ZKSCAN1: variants seen among roughly 807,000 people sequenced by gnomAD.
ZKSCAN1 encodes the protein zinc finger with KRAB and SCAN domains 1.
ZKSCAN1 carries 14 observed loss-of-function variants against 51.6 expected under a neutral mutation model. That is an observed-to-expected ratio of 0.27 (90% CI 0.18 to 0.42). ZKSCAN1 has a LOEUF of 0.42. ZKSCAN1 is among the 10% of genes least tolerant of loss of function. ZKSCAN1 has a pLI of 1.00. For synonymous variants in ZKSCAN1, 263 were observed against 261.5 expected, an observed-to-expected ratio of 1.01 and a Z score of -0.06; for missense variants, 531 against 710.0, an observed-to-expected ratio of 0.75 and a Z score of 2.86.
At chr7:100,018,704 T>C (rs1790476872) in intron 1 of ZKSCAN1, among the ~76,000 whole-genome samples, 1 of 152,180 alleles carries the variant, frequency 6.6e-6, no homozygotes, top group Non-Finnish European at 1.5e-5. Flanking sequence ...AGAAATTACC[T>C]AGCAAATGTT....
rs368111226 is a variant in ZKSCAN1, at chr7:100,020,019, A to G, written c.-88-3400A>G. Reference sequence around the variant, plus strand: ...CGCTCAGCCTCTCAGTTCTTTATACAGTGAGATGATAAGTGTAGCTACCTG... The same window carrying G: ...CGCTCAGCCTCTCAGTTCTTTATACGGTGAGATGATAAGTGTAGCTACCTG... On this transcript the variant is annotated intron_variant, in intron 1 of 5. Coordinates refer to ENST00000324306, the MANE Select transcript of ZKSCAN1 (RefSeq NM_003439.4). 3.9e-5 allele frequency among the ~76,000 whole-genome samples: 6 copies of G among 152,302 alleles called. No individual in the cohort carries two copies. In the East Asian group the frequency reaches 1.2e-3, roughly 29 times the overall value.
chr7:100,019,209 AT>A (rs1190826842), intron 1 of ZKSCAN1: 3 of 151,028 alleles, frequency 2.0e-5, no homozygotes, highest in Non-Finnish European at 3.0e-5. Flanking sequence ...TTCCTGAGTG[AT>A]TTTTTTTTCT....
intron 4 of ZKSCAN1, 30 bp from the exon 5 acceptor site, chr7:100,030,219 G>A (rs980628236): frequency 3.5e-5 from 56 of 1,607,342 alleles, no homozygotes; most frequent in Non-Finnish European, 4.7e-5. Context: ...AGTTTGGGGG[G>A]AAATGACTGT....
chr7:100,029,775 T>C, intron 3 of ZKSCAN1, 86 bp from the exon 4 acceptor site: 1 of 1,257,718 alleles, frequency 8.0e-7, no homozygotes, highest in Non-Finnish European at 1.1e-6. Flanking sequence ...AACATGCTGG[T>C]GCAGGAAGGA....
rs765686439 is a variant in ZKSCAN1 at position 100,030,263 on chromosome 7, C to A, written c.687C>A (p.Ile229=). The stretch of plus-strand genomic sequence containing the variant: ...TGTTATTTTAGGCAATGGTGAAGAT[C>A]GAGGACATGGCTGTGTCCCTCATTC... ...FTADSQAMVK[I]EDMAVSLILE... is the part of the protein sequence containing the mutation. The change falls in exon 5 of 6, where the codon ATC becomes ATA. Residue 229 remains isoleucine (I), a synonymous_variant. Transcript: ENST00000324306. The A allele has an allele frequency of 1.9e-6, 3 of 1,613,950 alleles. No individual in the cohort carries two copies. In the South Asian group the frequency reaches 3.3e-5, roughly 18 times the overall value.
chr7:100,042,427 AT>A (rs921564721), downstream of ZKSCAN1, among the ~76,000 whole-genome samples: 1 of 151,368 alleles, frequency 6.6e-6, no homozygotes, highest in Non-Finnish European at 1.5e-5. Flanking sequence ...ACAATGTGGG[AT>A]TTTTTTTCAT....
At chr7:100,026,447 A>T (rs79152233) in intron 3 of ZKSCAN1, among the ~76,000 whole-genome samples, 4,154 of 152,056 alleles carry the variant, frequency 0.027, 191 homozygotes, top group African/African-American at 0.095. Context: ...ATAATAAATC[A>T]GCCAGGCATG....
At position 100,038,951 on chromosome 7, in the gene ZKSCAN1, C is replaced by T. The variant is rs1332318790; in HGVS notation, c.*4754C>T. ...CGGAGGTTGCAGTGAGCCAAGATGG[C>T]GCCACTGCACTCCAGCCTGGGTGAT... On this transcript the variant is annotated 3_prime_UTR_variant, in exon 6 of 6. Coordinates refer to ENST00000324306, the MANE Select transcript of ZKSCAN1 (RefSeq NM_003439.4). 2 of 152,774 alleles carry T rather than the reference C, an allele frequency of 1.3e-5. No homozygotes were observed. Among genetic ancestry groups the T allele is most frequent in the African/African-American group, 2.5e-5 (1 of 39,334 alleles). 9.5% of individuals were successfully genotyped at this position (152,774 alleles called of 1,614,324 possible).
rs531037601 is a variant in ZKSCAN1, at chr7:100,040,227, C to G, written c.*6030C>G. 2.7e-5 allele frequency: 27 copies of G among 985,370 alleles called. No homozygotes were observed. The African/African-American group carries it at 3.8e-4, about 14-fold the overall frequency. 61.0% of individuals were successfully genotyped at this position (985,370 alleles called of 1,614,324 possible). On this transcript the variant is annotated 3_prime_UTR_variant, in exon 6 of 6. Coordinates refer to ENST00000324306, the MANE Select transcript of ZKSCAN1 (RefSeq NM_003439.4). The stretch of plus-strand genomic sequence containing the variant: ...GAATTGAATTTCATGATGTGTGGTT[C>G]CATTTAATAGCGGACACCACCCCAA...
intron 1 of ZKSCAN1, among the ~76,000 whole-genome samples, chr7:100,019,002 T>A (rs749562323): frequency 6.6e-6 from 1 of 152,184 alleles, no homozygotes; most frequent in Non-Finnish European, 1.5e-5. Flanking sequence ...GGATAAAACT[T>A]TCACAAAAGT....
intron 3 of ZKSCAN1, among the ~76,000 whole-genome samples, chr7:100,028,214 G>A (rs1038856131): frequency 2.6e-5 from 4 of 152,062 alleles, no homozygotes; most frequent in Non-Finnish European, 5.9e-5. Context: ...CTAGCTGAGC[G>A]TGGTGGCAGG....
chr7:100,023,520 A>G lies in ZKSCAN1; in HGVS notation c.14A>G (p.Glu5Gly). 1 of 1,611,130 alleles carries G rather than the reference A, an allele frequency of 6.2e-7. No homozygotes were observed. Residue 5 changes from glutamate (E) to glycine (G), a missense_variant, in exon 2 of 6, where the codon GAA becomes GGA. Transcript: ENST00000324306. ...CCTGGAGCCTGAATGATGACTGCTGAATCACGGGAAGCCACGGGTCTGTCC... is the reference window on the plus strand; with the variant it reads ...CCTGGAGCCTGAATGATGACTGCTGGATCACGGGAAGCCACGGGTCTGTCC... MMTA[E>G]SREATGLSPQ...
At chr7:100,041,835 G>A (rs4727446), downstream of ZKSCAN1, 168 of 830,668 alleles carry the variant, frequency 2.0e-4, no homozygotes, top group East Asian at 1.2e-4. Context: ...AAAACTATCT[G>A]TTTACTTTGC....
chr7:100,020,418 A>C (rs1273699342), intron 1 of ZKSCAN1, among the ~76,000 whole-genome samples: 2 of 152,162 alleles, frequency 1.3e-5, no homozygotes, highest in African/African-American at 4.8e-5. Flanking sequence ...GTAGAGTTTT[A>C]GAAAGAATAA....
Position 100,034,742 on chromosome 7 carries a change from A to G in ZKSCAN1, c.*545A>G. 1 of 199,128 alleles carries G rather than the reference A, an allele frequency of 5.0e-6. No individual in the cohort carries two copies. 12.3% of individuals were successfully genotyped at this position (199,128 alleles called of 1,614,324 possible). On this transcript the variant is annotated 3_prime_UTR_variant, in exon 6 of 6. Transcript: ENST00000324306. ...ATCACTGGTAGCCTACCAAAGCTGTAGAAATCTAGGACTGTGCTAATCAGT... is the reference window on the plus strand; with the variant it reads ...ATCACTGGTAGCCTACCAAAGCTGTGGAAATCTAGGACTGTGCTAATCAGT...
rs1266382097 is a variant in ZKSCAN1, at chr7:100,041,664, CAAT to C, written c.*7470_*7472del. On this transcript the variant is annotated 3_prime_UTR_variant, in exon 6 of 6. Transcript: ENST00000324306. The stretch of plus-strand genomic sequence containing the variant: ...GTTTCTCTTCTGAGTCATGGTAAAA[CAAT>C]AAATTATCATCTCTAGGTGGCAGTG... 1.0e-6 allele frequency: 1 copy of C among 985,206 alleles called. No homozygotes were observed. Among genetic ancestry groups the C allele is most frequent in the East Asian group, 1.1e-4 (1 of 8,828 alleles). 61.0% of individuals were successfully genotyped at this position (985,206 alleles called of 1,614,324 possible).
downstream of ZKSCAN1, among the ~76,000 whole-genome samples, chr7:100,044,074 G>T (rs1791663203): frequency 6.6e-6 from 1 of 152,014 alleles, no homozygotes; most frequent in South Asian, 2.1e-4. Flanking sequence ...ACCGCTCCCA[G>T]CCCATATCTA....
Position 100,023,528 on chromosome 7 carries a change from G to A in ZKSCAN1, c.22G>A (p.Glu8Lys), listed in dbSNP as rs745706119. ...CTGAATGATGACTGCTGAATCACGG[G>A]AAGCCACGGGTCTGTCCCCACAGGC... MMTAESREATGLSPQAAQ... is the reference protein window; with the variant it reads MMTAESRKATGLSPQAAQ... The change falls in exon 2 of 6, where the codon GAA (glutamate) becomes AAA (lysine). Residue 8 changes from glutamate (E) to lysine (K), a missense_variant. By Grantham distance (56) the Glu-to-Lys change is moderately conservative (BLOSUM62 1). Transcript: ENST00000324306. 6.2e-7 allele frequency: 1 copy of A among 1,611,832 alleles called. No homozygotes were observed. Among genetic ancestry groups the A allele is most frequent in the South Asian group, 1.1e-5 (1 of 90,904 alleles).
At chr7:100,041,739 G>T, downstream of ZKSCAN1, 2 of 985,250 alleles carry the variant, frequency 2.0e-6, no homozygotes, top group Non-Finnish European at 1.2e-6. Flanking sequence ...ATCCTTGGTT[G>T]CATAAATACA....
Sources: allele counts gnomAD v4.1 joint callset (sites outside exome capture counted in the v4.1 genomes callset), GRCh38; gene constraint gnomAD v4.1.1; transcripts MANE v1.5; gene names NCBI Gene and HGNC (gene_info 2026-07-23, HGNC 2026-07-21).